PDE4D: variants seen among roughly 807,000 people sequenced by gnomAD.
The protein encoded by PDE4D is 3',5'-cyclic-AMP phosphodiesterase 4D.
PDE4D carries 24 observed loss-of-function variants against 87.4 expected under a neutral mutation model. That is an observed-to-expected ratio of 0.27 (90% CI 0.20 to 0.39). The LOEUF (loss-of-function observed/expected upper bound fraction) is 0.39, where lower values mean the gene tolerates loss of function less well. PDE4D is among the 10% of genes least tolerant of loss of function. The pLI, the probability that PDE4D is intolerant of heterozygous loss-of-function variation, is 1.00. For missense variants in PDE4D, 714 were observed against 1,041.0 expected, an observed-to-expected ratio of 0.69 and a Z score of 4.32; for synonymous variants, 384 against 383.2, an observed-to-expected ratio of 1.00 and a Z score of -0.02.
intron 1 of PDE4D, among the ~76,000 whole-genome samples, chr5:59,514,164 GGT>G (rs1366567505): frequency 7.3e-5 from 11 of 150,144 alleles, no homozygotes; most frequent in Non-Finnish European, 1.2e-4. Context: ...GGAGTGCAGT[GGT>G]GCGATCTCGG....
intron 1 of PDE4D, among the ~76,000 whole-genome samples, chr5:59,339,466 G>A (rs1778321758): frequency 6.6e-6 from 1 of 152,124 alleles, no homozygotes; most frequent in Non-Finnish European, 1.5e-5. Flanking sequence ...GGTGTTCTGT[G>A]GCAAAAGAAG....
chr5:60,446,412 A>G (rs1445981749), intron 1 of PDE4D, among the ~76,000 whole-genome samples: 1 of 152,170 alleles, frequency 6.6e-6, no homozygotes, highest in Admixed American at 6.5e-5. Context: ...ATAAAAAATT[A>G]TCTTGGAGAA....
intron 2 of PDE4D, among the ~76,000 whole-genome samples, chr5:60,017,482 G>C (rs1765637538): frequency 6.6e-6 from 1 of 151,986 alleles, no homozygotes; most frequent in African/African-American, 2.4e-5. Context: ...AGTGTGTGTT[G>C]TTCCCCTCCC....
intron 1 of PDE4D, among the ~76,000 whole-genome samples, chr5:60,467,817 G>C (rs931814970): frequency 1.3e-5 from 2 of 152,178 alleles, no homozygotes; most frequent in African/African-American, 4.8e-5. Context: ...GAGCAGGAGA[G>C]AGAGAAAGGG....
chr5:60,274,454 G>A (rs931699643), intron 1 of PDE4D, among the ~76,000 whole-genome samples: 20 of 152,008 alleles, frequency 1.3e-4, no homozygotes, highest in East Asian at 3.9e-4. Context: ...TCCACCTCCC[G>A]GGTTCAAGCG....
intron 2 of PDE4D, among the ~76,000 whole-genome samples, chr5:60,052,716 G>A (rs1770324341): frequency 6.6e-6 from 1 of 152,144 alleles, no homozygotes; most frequent in Non-Finnish European, 1.5e-5. Flanking sequence ...ACGAAATAAA[G>A]GATATTCAGA....
intron 3 of PDE4D, among the ~76,000 whole-genome samples, chr5:59,928,803 G>T (rs2152785668): frequency 6.7e-6 from 1 of 148,222 alleles, no homozygotes; most frequent in East Asian, 1.9e-4. Flanking sequence ...CAAAGTTCCA[G>T]ACCTTAAAAT....
intron 1 of PDE4D, among the ~76,000 whole-genome samples, chr5:60,209,616 T>A (rs185249138): frequency 1.3e-5 from 2 of 152,252 alleles, no homozygotes; most frequent in African/African-American, 4.8e-5. Context: ...TTTTCCTAGT[T>A]TGGGCATAGT....
At chr5:59,601,287 C>G (rs1417868692) in intron 1 of PDE4D, among the ~76,000 whole-genome samples, 1 of 152,106 alleles carries the variant, frequency 6.6e-6, no homozygotes, top group Non-Finnish European at 1.5e-5. Context: ...TTCTAGTAAT[C>G]TTGCTACCCA....
At chr5:59,396,611 C>A (rs879842201) in intron 1 of PDE4D, among the ~76,000 whole-genome samples, 13,539 of 92,018 alleles carry the variant, frequency 0.15, 2,665 homozygotes, top group Non-Finnish European at 0.17. Flanking sequence ...ACAACCGGTA[C>A]CAGCCGCTGC....
intron 1 of PDE4D, among the ~76,000 whole-genome samples, chr5:59,455,899 C>T (rs1230090383): frequency 1.3e-5 from 2 of 152,222 alleles, no homozygotes; most frequent in African/African-American, 4.8e-5. Flanking sequence ...TGCATGGGGC[C>T]TATGGCCCCT....
chr5:59,396,110 T>C (rs1446940214), intron 1 of PDE4D, among the ~76,000 whole-genome samples: 1 of 119,790 alleles, frequency 8.3e-6, no homozygotes, highest in African/African-American at 3.4e-5. Context: ...GTCTGACTGG[T>C]GTACCTGAAA....
intron 1 of PDE4D, among the ~76,000 whole-genome samples, chr5:59,407,574 A>G (rs1259078822): frequency 2.6e-5 from 4 of 152,160 alleles, no homozygotes; most frequent in Non-Finnish European, 4.4e-5. Context: ...AGGCAGGGAG[A>G]TGAGGAAAAG....
At chr5:60,046,733 G>T (rs1243065622) in intron 2 of PDE4D, among the ~76,000 whole-genome samples, 2 of 152,148 alleles carry the variant, frequency 1.3e-5, no homozygotes, top group Admixed American at 6.5e-5. Flanking sequence ...GATCATGGTG[G>T]ATAAGCTTTT....
At position 59,347,806 on chromosome 5, in the gene PDE4D, T is replaced by C. The variant is rs532237567; in HGVS notation, c.456-131838A>G. Among the ~76,000 whole-genome samples the C allele has an allele frequency of 2.0e-5, 3 of 152,208 alleles. No individual in the cohort carries two copies. The East Asian group carries it at 5.8e-4, about 29-fold the overall frequency. Reference sequence around the variant, plus strand: ...CAAGAGACTGGAGACTGAAAACAAGTCAGTAATGAGGTCAATATTTATATG... The same window carrying C: ...CAAGAGACTGGAGACTGAAAACAAGCCAGTAATGAGGTCAATATTTATATG... On this transcript the variant is annotated intron_variant, in intron 1 of 14. Transcript: ENST00000340635.
intron 1 of PDE4D, among the ~76,000 whole-genome samples, chr5:60,214,868 A>C (rs1340554154): frequency 6.6e-6 from 1 of 152,194 alleles, no homozygotes; most frequent in African/African-American, 2.4e-5. Flanking sequence ...GAAGTCCTTG[A>C]GCCACTCAAT....
intron 1 of PDE4D, among the ~76,000 whole-genome samples, chr5:59,247,282 T>C (rs1037733152): frequency 2.6e-5 from 4 of 152,168 alleles, no homozygotes; most frequent in African/African-American, 7.2e-5. Context: ...TGCTCTTACA[T>C]TGAAAGACAC....
chr5:60,069,382 T>C (rs1299140336), intron 2 of PDE4D, among the ~76,000 whole-genome samples: 2 of 152,186 alleles, frequency 1.3e-5, no homozygotes, highest in Non-Finnish European at 2.9e-5. Flanking sequence ...TCAGTACCTG[T>C]GCCTCAATTT....
At chr5:60,001,274 T>C (rs1763987162) in intron 2 of PDE4D, among the ~76,000 whole-genome samples, 1 of 152,188 alleles carries the variant, frequency 6.6e-6, no homozygotes, top group African/African-American at 2.4e-5. Flanking sequence ...ACCGAAAGAC[T>C]GTTTGCTTCT....
Sources: allele counts gnomAD v4.1 joint callset (sites outside exome capture counted in the v4.1 genomes callset), GRCh38; gene constraint gnomAD v4.1.1; transcripts MANE v1.5; gene names NCBI Gene and HGNC (gene_info 2026-07-23, HGNC 2026-07-21).